ATP8B1: variants seen among roughly 807,000 people sequenced by gnomAD.
ATP8B1 encodes the protein ATPase phospholipid transporting 8B1.
ATP8B1 carries 80 observed loss-of-function variants against 149.9 expected under a neutral mutation model. The observed-to-expected ratio is 0.53, with a 90% CI of 0.45 to 0.64. The LOEUF (loss-of-function observed/expected upper bound fraction) is 0.64. Among genes scored for constraint, ATP8B1 ranks in the 30% least tolerant of loss-of-function variants. The probability of loss-of-function intolerance (pLI) is 0.00; values close to 1 mark genes in which losing one functional copy is unlikely to be tolerated. For synonymous variants in ATP8B1, 536 were observed against 562.8 expected, an observed-to-expected ratio of 0.95 and a Z score of 0.67; for missense variants, 1,247 against 1,552.6, an observed-to-expected ratio of 0.80 and a Z score of 3.31.
intron 1 of ATP8B1, among the ~76,000 whole-genome samples, chr18:57,742,836 A>AC (rs1173708168): frequency 2.0e-5 from 3 of 151,876 alleles, no homozygotes; most frequent in African/African-American, 4.8e-5. Flanking sequence ...TAAAAAAAAA[A>AC]AAAACAAAAC....
At chr18:57,746,915 A>C (rs1018853912) in intron 1 of ATP8B1, among the ~76,000 whole-genome samples, 1 of 152,210 alleles carries the variant, frequency 6.6e-6, no homozygotes, top group Non-Finnish European at 1.5e-5. Context: ...TTGCATGTCA[A>C]GGCAGAAGAG....
rs548652223 is a variant in ATP8B1 at position 57,750,314 on chromosome 18, C to G, written c.-25-18482G>C. Among the ~76,000 whole-genome samples the G allele has an allele frequency of 5.3e-5, 8 of 152,284 alleles. No homozygotes were observed. The East Asian group carries it at 1.5e-3, about 29-fold the overall frequency. On this transcript the variant is annotated intron_variant, in intron 1 of 27. Coordinates refer to ENST00000648908, the MANE Select transcript of ATP8B1 (RefSeq NM_001374385.1). ...AGCAATCAGAAATAAATCAAGAGTA[C>G]CTGCACACTGCACAACTCAAAGAAA...
rs1912544280 is a variant in ATP8B1, at chr18:57,691,813, TAGAG to T, written c.1210_1213del (p.Leu404MetfsTer6). ...CCAGAGAGGACAGCCTTACCTGACA[TAGAG>T]AGAGATGGGTACCATGGTGTTGAGA... is the stretch of plus-strand genomic sequence containing the variant. On this transcript the variant is annotated frameshift_variant, in exon 12 of 28. Transcript: ENST00000648908. LOFTEE classifies it high-confidence loss of function. 2 of 1,614,014 alleles carry T rather than the reference TAGAG, an allele frequency of 1.2e-6. No individual in the cohort carries two copies. Among genetic ancestry groups the T allele is most frequent in the Non-Finnish European group, 8.5e-7 (1 of 1,179,972 alleles).
In ATP8B1 at chr18:57,646,437, T is replaced by C. The variant is rs1303641499; in HGVS notation, c.*2051A>G. On this transcript the variant is annotated 3_prime_UTR_variant, in exon 28 of 28. Coordinates refer to ENST00000648908, the MANE Select transcript of ATP8B1 (RefSeq NM_001374385.1). ...ACAACAAAAGCCAATTTAAATACTT[T>C]AGAAGATCATACTTTTCAAAGATTT... 6.6e-6 allele frequency: 1 copy of C among 152,220 alleles called. No homozygotes were observed. The highest frequency in any genetic ancestry group is 1.9e-4 in the East Asian group (1 of 5,204). The allele number at this position is 152,220 out of a possible 1,614,324, so 9.4% of individuals were successfully genotyped here. A position where few individuals can be genotyped will look rare whatever the true frequency, so the allele number is the denominator to read the frequency against.
chr18:57,665,837 C>T (rs749876687), intron 20 of ATP8B1, among the ~76,000 whole-genome samples: 6 of 152,098 alleles, frequency 3.9e-5, no homozygotes, highest in Non-Finnish European at 8.8e-5. Flanking sequence ...AAGCATGAGC[C>T]ACCGTGCCCA....
chr18:57,756,236 C>CACACACACATAT lies in ATP8B1; in HGVS notation c.-25-24405_-25-24404insATATGTGTGTGT, dbSNP rs1270164219. ...ACACACACACACACACACACACACA[C>CACACACACATAT]ATATATACACACACACATATATATA... is the stretch of plus-strand genomic sequence containing the variant. On this transcript the variant is annotated intron_variant, in intron 1 of 27. Coordinates refer to ENST00000648908, the MANE Select transcript of ATP8B1 (RefSeq NM_001374385.1). Among the ~76,000 whole-genome samples, 29 of 106,156 alleles carry CACACACACATAT rather than the reference C, an allele frequency of 2.7e-4. 1 individual carries two copies. The highest frequency in any genetic ancestry group is 2.3e-3 in the East Asian group (11 of 4,790). 69.6% of individuals were successfully genotyped at this position (106,156 alleles called of 152,430 possible). A position where few individuals can be genotyped will look rare whatever the true frequency, so the allele number is the denominator to read the frequency against.
At chr18:57,786,646 G>C (rs1394076668) in intron 1 of ATP8B1, among the ~76,000 whole-genome samples, 1 of 152,164 alleles carries the variant, frequency 6.6e-6, no homozygotes. Flanking sequence ...TAGAACAAAG[G>C]AAGAGTCCCT....
intron 2 of ATP8B1, among the ~76,000 whole-genome samples, chr18:57,717,547 CAAAAAAAAAAAAAAAAAAAAAAAAA>C (rs1163024544): frequency 4.5e-4 from 9 of 19,918 alleles, no homozygotes; most frequent in Non-Finnish European, 6.0e-4. Flanking sequence ...GACTCTGTCT[CAAAAAAAAAAAAAAAAAAAAAAAAA>C]AAAAAAAAAA....
intron 17 of ATP8B1, among the ~76,000 whole-genome samples, chr18:57,670,993 G>A (rs1404826019): frequency 1.3e-5 from 2 of 152,236 alleles, no homozygotes; most frequent in Non-Finnish European, 2.9e-5. Flanking sequence ...ACAGGCATGA[G>A]ACACCAAATA....
intron 23 of ATP8B1, among the ~76,000 whole-genome samples, 185 bp from the exon 24 acceptor site, chr18:57,654,260 G>C (rs1254415096): frequency 6.6e-6 from 1 of 152,076 alleles, no homozygotes; most frequent in Non-Finnish European, 1.5e-5. Context: ...CCCCATCTCA[G>C]CCTCCCAAAG....
chr18:57,800,091 T>C (rs2080559711), intron 1 of ATP8B1, among the ~76,000 whole-genome samples: 1 of 152,142 alleles, frequency 6.6e-6, no homozygotes. Context: ...AAGACACCAC[T>C]AAGAAAAACT....
intron 6 of ATP8B1, among the ~76,000 whole-genome samples, chr18:57,700,479 T>C (rs1291750446): frequency 1.3e-5 from 2 of 152,196 alleles, no homozygotes; most frequent in African/African-American, 4.8e-5. Flanking sequence ...TAAAACAATA[T>C]TATAGTTTAA....
intron 3 of ATP8B1, among the ~76,000 whole-genome samples, chr18:57,705,732 C>A (rs1387082870): frequency 1.3e-5 from 2 of 152,208 alleles, no homozygotes; most frequent in Admixed American, 1.3e-4. Context: ...AGATTTCAGA[C>A]TTCTGATCCC....
intron 2 of ATP8B1, among the ~76,000 whole-genome samples, chr18:57,720,163 A>C (rs2079628843): frequency 6.7e-6 from 1 of 149,992 alleles, no homozygotes; most frequent in East Asian, 2.0e-4. Context: ...GAACAGAAAA[A>C]CTGGAAACTC....
At chr18:57,754,445 A>T (rs921270006) in intron 1 of ATP8B1, among the ~76,000 whole-genome samples, 30 of 135,952 alleles carry the variant, frequency 2.2e-4, no homozygotes, top group Admixed American at 7.8e-4. Context: ...CTAACAAAAA[A>T]ATATATATAT....
At chr18:57,675,694 T>G (rs1911544282) in intron 15 of ATP8B1, among the ~76,000 whole-genome samples, 1 of 152,272 alleles carries the variant, frequency 6.6e-6, no homozygotes, top group South Asian at 2.1e-4. Context: ...TCACCTCACC[T>G]GGCTTATTCT....
intron 2 of ATP8B1, among the ~76,000 whole-genome samples, chr18:57,716,224 A>G (rs2079581729): frequency 6.6e-6 from 1 of 152,166 alleles, no homozygotes; most frequent in Admixed American, 6.6e-5. Flanking sequence ...AAAGCAGGAA[A>G]TTAAAGCACA....
intron 1 of ATP8B1, among the ~76,000 whole-genome samples, chr18:57,788,147 A>G (rs2123441652): frequency 6.6e-6 from 1 of 152,336 alleles, no homozygotes; most frequent in Middle Eastern, 3.4e-3. Context: ...ATGATTTACA[A>G]CCTGTACATT....
chr18:57,685,889 C>G (rs576586445), intron 13 of ATP8B1, among the ~76,000 whole-genome samples: 4 of 151,836 alleles, frequency 2.6e-5, no homozygotes, highest in Non-Finnish European at 5.9e-5. Context: ...CAAGATCGTG[C>G]CACTGCACTC....
Sources: allele counts gnomAD v4.1 joint callset (sites outside exome capture counted in the v4.1 genomes callset), GRCh38; gene constraint gnomAD v4.1.1; transcripts MANE v1.5; gene names NCBI Gene and HGNC (gene_info 2026-07-23, HGNC 2026-07-21).